The following POLR2F variants were observed in gnomAD, a reference collection of about 807,000 sequenced individuals.
The protein encoded by POLR2F is RNA polymerase II, I and III subunit F.
A neutral mutation model predicts 22.7 loss-of-function variants in POLR2F; 12 were observed. The observed-to-expected ratio is 0.53, with a 90% CI of 0.34 to 0.86. The LOEUF (loss-of-function observed/expected upper bound fraction) is 0.86. POLR2F is among the 40% of genes least tolerant of loss of function. POLR2F has a pLI of 0.02. For synonymous variants in POLR2F, 57 were observed against 66.0 expected (o/e 0.86, Z 0.66); for missense variants, 126 against 171.5 (o/e 0.73, Z 1.48).
chr22:37,990,262 T>G (rs1183175759), intron 1 of POLR2F, among the ~76,000 whole-genome samples: 4 of 152,096 alleles, frequency 2.6e-5, no homozygotes, highest in Non-Finnish European at 5.9e-5. Context: ...CCCTCCCTGT[T>G]TCTGGTGCAA....
At chr22:37,967,332 A>C in intron 4 of POLR2F, 162 bp downstream of exon 4, 3 of 1,480,608 alleles carry the variant, frequency 2.0e-6, no homozygotes, top group Non-Finnish European at 2.7e-6. Flanking sequence ...AAGAGAGAAG[A>C]GGAGGCAGGG....
intron 4 of POLR2F, among the ~76,000 whole-genome samples, chr22:37,975,101 C>G (rs1298919776): frequency 2.6e-5 from 4 of 152,210 alleles, no homozygotes; most frequent in Non-Finnish European, 1.5e-5. Context: ...GAAAACTGGT[C>G]CTTGTTCCTT....
At chr22:37,970,242 C>T (rs1431015970), downstream of POLR2F, among the ~76,000 whole-genome samples, 1 of 148,174 alleles carries the variant, frequency 6.7e-6, no homozygotes, top group Non-Finnish European at 1.5e-5. Context: ...TGCAGTGAGC[C>T]GAGATCCCGC....
intron 1 of POLR2F, among the ~76,000 whole-genome samples, chr22:37,998,898 G>C (rs925987264): frequency 2.0e-5 from 3 of 152,038 alleles, no homozygotes; most frequent in Non-Finnish European, 4.4e-5. Context: ...GATGTCAAAG[G>C]CAGGGCATTA....
chr22:38,020,206 T>TACAC (rs112285508), intron 1 of POLR2F, among the ~76,000 whole-genome samples: 68,371 of 144,510 alleles, frequency 0.47, 16,056 homozygotes, highest in East Asian at 0.65. Context: ...CACACATATA[T>TACAC]ACACACACAC....
At chr22:37,969,350 C>A, downstream of POLR2F, 1 of 983,882 alleles carries the variant, frequency 1.0e-6, no homozygotes, top group Non-Finnish European at 1.2e-6. Flanking sequence ...GGCATAGTCT[C>A]TTGAGTCATT....
At chr22:37,974,206 G>T (rs748415158), downstream of POLR2F, 4 of 1,595,054 alleles carry the variant, frequency 2.5e-6, no homozygotes, top group Middle Eastern at 1.7e-4. This position sits in a 1 kb window ranked among gnomAD's most constrained non-coding sequence, Gnocchi z 5.4. Flanking sequence ...GGCCTGGGTA[G>T]AAGGGAGACA....
chr22:38,036,045 G>C (rs760008876), intron 5 of POLR2F, among the ~76,000 whole-genome samples: 27 of 147,510 alleles, frequency 1.8e-4, no homozygotes, highest in Non-Finnish European at 3.1e-4. Context: ...GCAGGATCTT[G>C]GCTCAATGCA....
chr22:37,972,289 C>T (rs778331259), downstream of POLR2F: 389 of 1,285,356 alleles, frequency 3.0e-4, 5 homozygotes, highest in Middle Eastern at 2.1e-4. Context: ...AAGAGACAGG[C>T]CAGGTCAGGC....
chr22:38,005,956 C>A (rs932178763), intron 1 of POLR2F, among the ~76,000 whole-genome samples: 2 of 152,198 alleles, frequency 1.3e-5, no homozygotes, highest in Admixed American at 6.5e-5. Flanking sequence ...GATGTGGTGG[C>A]TCACGCTTGT....
chr22:37,996,934 G>C (rs1007578579), intron 1 of POLR2F, among the ~76,000 whole-genome samples: 3 of 152,138 alleles, frequency 2.0e-5, no homozygotes, highest in Non-Finnish European at 4.4e-5. Flanking sequence ...ATGGTCTAAG[G>C]GCCTCTCCCC....
At chr22:37,988,545 G>T (rs557836650) in intron 1 of POLR2F, among the ~76,000 whole-genome samples, 2 of 152,122 alleles carry the variant, frequency 1.3e-5, no homozygotes, top group African/African-American at 4.8e-5. Flanking sequence ...CAGCTACGTG[G>T]GAGCCTGAGG....
rs1931957878 is a variant in POLR2F, at chr22:37,968,825, G to A, written c.*1110G>A. Reference sequence around the variant, plus strand: ...CAGGCCTAGGTGCAGCCTGGCCCTGGGATGGGATGTGGGGAGTGAATGGTG... The same window carrying A: ...CAGGCCTAGGTGCAGCCTGGCCCTGAGATGGGATGTGGGGAGTGAATGGTG... On this transcript the variant is annotated 3_prime_UTR_variant, in exon 5 of 5. Transcript: ENST00000442738. 2.0e-6 allele frequency: 2 copies of A among 985,472 alleles called. No homozygotes were observed. The highest frequency in any genetic ancestry group is 2.4e-6 in the Non-Finnish European group (2 of 830,048). The allele number at this position is 985,472 out of a possible 1,614,324, so 61.0% of individuals were successfully genotyped here. A position where few individuals can be genotyped will look rare whatever the true frequency, so the allele number is the denominator to read the frequency against.
chr22:38,034,237 CT>C, intron 5 of POLR2F: 1 of 168,660 alleles, frequency 5.9e-6, no homozygotes, highest in Non-Finnish European at 1.5e-5. Flanking sequence ...TCTTTTCCGC[CT>C]TCCAGGGCTG....
At position 37,980,494 on chromosome 22, in the gene POLR2F, A is replaced by G. The variant is rs978005648; in HGVS notation, c.293+13324A>G. 4.6e-5 allele frequency among the ~76,000 whole-genome samples: 7 copies of G among 152,028 alleles called. No homozygotes were observed. Among genetic ancestry groups the G allele is most frequent in the Non-Finnish European group, 1.0e-4 (7 of 67,994 alleles). ...CAGCATTAGCCTAACCCTGACAGAA[A>G]TCTAAGCCTGGGGCCACTGCCATCC... On this transcript the variant is annotated intron_variant, in intron 4 of 4. Transcript: ENST00000405557. The surrounding 1 kb of genome is among the most constrained non-coding windows in gnomAD (Gnocchi z 4.1).
chr22:38,016,508 A>G lies in POLR2F; in HGVS notation c.121-9361A>G, dbSNP rs1359348304. Among the ~76,000 whole-genome samples, 1 of 152,206 alleles carries G rather than the reference A, an allele frequency of 6.6e-6. No individual in the cohort carries two copies. Among genetic ancestry groups the G allele is most frequent in the Non-Finnish European group, 1.5e-5 (1 of 68,030 alleles). On this transcript the variant is annotated intron_variant, in intron 1 of 2. Coordinates refer to the POLR2F transcript ENST00000333418. The surrounding 1 kb of genome is among the most constrained non-coding windows in gnomAD (Gnocchi z 4.4). ...TAGCCATGATGCCCTCTGACCTTTC[A>G]TAAATCAGAGGGGCTTAGGGGCGAG...
At chr22:38,029,243 T>C (rs187999518), downstream of POLR2F, among the ~76,000 whole-genome samples, 17 of 152,302 alleles carry the variant, frequency 1.1e-4, no homozygotes, top group East Asian at 2.9e-3. Context: ...AGAATGTCTT[T>C]GGAAATGACC....
intron 3 of POLR2F, among the ~76,000 whole-genome samples, chr22:37,961,858 C>G (rs999001796): frequency 2.0e-5 from 3 of 151,806 alleles, no homozygotes; most frequent in Admixed American, 6.6e-5. Context: ...ACCCCAAACT[C>G]CCTATAGACT....
At chr22:38,034,097 C>A (rs146630614) in intron 5 of POLR2F, 6 of 168,546 alleles carry the variant, frequency 3.6e-5, no homozygotes, top group Admixed American at 2.0e-4. Flanking sequence ...TCCCGACTCC[C>A]CTTGTCAGCT....
Sources: gnomAD v4.1 joint callset for allele counts (sites outside exome capture counted in the v4.1 genomes callset) on GRCh38, gnomAD v4.1.1 for gene constraint, Gnocchi (gnomAD v3.1) non-coding constraint, MANE v1.5 for transcripts, NCBI Gene and HGNC (gene_info 2026-07-23, HGNC 2026-07-21) for gene names.